Variants in KIF26B observed in about 807,000 individuals in gnomAD.
The protein encoded by KIF26B is kinesin-like protein KIF26B.
In KIF26B, 63 loss-of-function variants were observed where a neutral mutation model predicts 151.2. The observed-to-expected ratio is 0.42, with a 90% CI of 0.34 to 0.51. The LOEUF (loss-of-function observed/expected upper bound fraction) is 0.51. KIF26B is among the 20% of genes least tolerant of loss of function. The probability of loss-of-function intolerance (pLI) is 0.07; values close to 1 mark genes in which losing one functional copy is unlikely to be tolerated. For synonymous variants in KIF26B, 1,357 were observed against 1,262.1 expected (o/e 1.08, Z -1.59); for missense variants, 2,813 against 2,913.6 (o/e 0.97, Z 0.79).
At chr1:245,335,605 C>T (rs187725740) in intron 2 of KIF26B, among the ~76,000 whole-genome samples, 11 of 145,396 alleles carry the variant, frequency 7.6e-5, no homozygotes, top group Admixed American at 6.8e-5. Flanking sequence ...GAGTGCCACG[C>T]GGGGAAAGGA....
intron 2 of KIF26B, among the ~76,000 whole-genome samples, chr1:245,194,323 C>T (rs1669157218): frequency 6.6e-6 from 1 of 152,080 alleles, no homozygotes; most frequent in African/African-American, 2.4e-5. Flanking sequence ...TCTCTGAGCA[C>T]GGTGCATGGG....
chr1:245,156,472 C>T lies in KIF26B; in HGVS notation c.254C>T (p.Pro85Leu). ...TSSPSSFTGSPGPASPGIGTS... is the reference protein window; with the variant it reads ...TSSPSSFTGSLGPASPGIGTS... ...TCCCCGAGCTCGTTCACCGGCTCCC[C>T]GGGACCCGCCTCCCCCGGCATCGGC... is the stretch of plus-strand genomic sequence containing the variant. Residue 85 changes from proline (P) to leucine (L), a missense_variant, in exon 2 of 15, where the codon CCG (proline) becomes CTG (leucine). Coordinates refer to ENST00000407071, the MANE Select transcript of KIF26B (RefSeq NM_018012.4). The T allele has an allele frequency of 6.6e-7, 1 of 1,525,176 alleles. No homozygotes were observed. Among genetic ancestry groups the T allele is most frequent in the Non-Finnish European group, 8.8e-7 (1 of 1,139,768 alleles). The allele number at this position is 1,525,176 out of a possible 1,614,324, so 94.5% of individuals were successfully genotyped here.
In KIF26B at chr1:245,239,834, T is replaced by C. The variant is rs946736939; in HGVS notation, c.465+83151T>C. 4.6e-5 allele frequency among the ~76,000 whole-genome samples: 7 copies of C among 152,074 alleles called. No homozygotes were observed. Among genetic ancestry groups the C allele is most frequent in the African/African-American group, 1.7e-4 (7 of 41,392 alleles). ...TTCTGAATGTTTTAGTGTTTTTCCT[T>C]CCAAAAGTTGTCTTTCCTGACAGTG... On this transcript the variant is annotated intron_variant, in intron 2 of 14. Transcript: ENST00000407071. This position sits in a 1 kb window ranked among gnomAD's most constrained non-coding sequence, Gnocchi z 4.3.
intron 2 of KIF26B, among the ~76,000 whole-genome samples, chr1:245,346,157 C>T (rs1310000593): frequency 1.3e-5 from 2 of 152,006 alleles, no homozygotes; most frequent in Non-Finnish European, 2.9e-5. Context: ...CTTGGCCAGG[C>T]TGGTCTTGAA....
chr1:245,219,140 T>C lies in KIF26B; in HGVS notation c.465+62457T>C, dbSNP rs199745164. 4.0e-3 allele frequency among the ~76,000 whole-genome samples: 501 copies of C among 126,622 alleles called. 22 individuals carry two copies. In the East Asian group the frequency reaches 0.09, roughly 23 times the overall value. The allele number at this position is 126,622 out of a possible 152,430, so 83.1% of individuals were successfully genotyped here. On this transcript the variant is annotated intron_variant, in intron 2 of 14. Coordinates refer to ENST00000407071, the MANE Select transcript of KIF26B (RefSeq NM_018012.4). ...AAATACCTACCTCTTTTTTTTTTTT[T>C]TTTTTTTTTTTTTTTTGAGACGGAG...
chr1:245,322,149 G>A (rs952896176), intron 2 of KIF26B, among the ~76,000 whole-genome samples: 2 of 152,042 alleles, frequency 1.3e-5, no homozygotes, highest in Non-Finnish European at 2.9e-5. Flanking sequence ...GCATGTTCTC[G>A]CTCATAAGTA....
intron 12 of KIF26B, among the ~76,000 whole-genome samples, chr1:245,691,960 T>G (rs2044630895): frequency 6.6e-6 from 1 of 152,214 alleles, no homozygotes. Flanking sequence ...TCTTGAGCTG[T>G]GTGACCTTTG....
At chr1:245,566,376 C>T (rs562742480) in intron 5 of KIF26B, among the ~76,000 whole-genome samples, 5 of 152,232 alleles carry the variant, frequency 3.3e-5, no homozygotes, top group Non-Finnish European at 7.3e-5. Flanking sequence ...GAACCACAGG[C>T]TCCTCACGGA....
At chr1:245,329,668 T>A (rs6681738) in intron 2 of KIF26B, among the ~76,000 whole-genome samples, 1 of 151,910 alleles carries the variant, frequency 6.6e-6, no homozygotes. Flanking sequence ...CCTGCCCCTT[T>A]CCAGGCTCCC....
chr1:245,655,318 G>A (rs1480103746), intron 10 of KIF26B, among the ~76,000 whole-genome samples: 4 of 152,208 alleles, frequency 2.6e-5, no homozygotes, highest in Non-Finnish European at 5.9e-5. Context: ...AAGGCAGAAA[G>A]GTCACTGTTT....
At chr1:245,344,390 G>C (rs905820025) in intron 2 of KIF26B, among the ~76,000 whole-genome samples, 1 of 151,494 alleles carries the variant, frequency 6.6e-6, no homozygotes, top group African/African-American at 2.4e-5. Flanking sequence ...AGCTGCTCGG[G>C]AGGCTGAGGC....
chr1:245,367,088 G>A lies in KIF26B; in HGVS notation c.720G>A (p.Gln240=). The part of the protein sequence containing the change: ...LVGSRHVGGL[Q]QPRDWAFVPA... ...GGTCCCGGCACGTGGGTGGGCTCCAGCAGCCCAGAGACTGGGCCTTTGTGC... is the reference window on the plus strand; with the variant it reads ...GGTCCCGGCACGTGGGTGGGCTCCAACAGCCCAGAGACTGGGCCTTTGTGC... Residue 240 remains glutamine, a synonymous_variant, in exon 3 of 15, where the codon CAG becomes CAA. Transcript: ENST00000407071. The surrounding 1 kb of genome is among the most constrained non-coding windows in gnomAD (Gnocchi z 4.2). 1 of 1,599,042 alleles carries A rather than the reference G, an allele frequency of 6.3e-7. No individual in the cohort carries two copies.
intron 4 of KIF26B, among the ~76,000 whole-genome samples, chr1:245,496,026 A>G (rs2103076262): frequency 6.6e-6 from 1 of 152,358 alleles, no homozygotes; most frequent in South Asian, 2.1e-4. Context: ...AAAAATTGAA[A>G]GAATCCATCA....
chr1:245,651,931 A>G (rs116444965), intron 10 of KIF26B, among the ~76,000 whole-genome samples: 152 of 152,264 alleles, frequency 1.0e-3, no homozygotes, highest in African/African-American at 3.5e-3. Flanking sequence ...GAGCCATGGC[A>G]TTGAATTCCC....
intron 4 of KIF26B, among the ~76,000 whole-genome samples, chr1:245,532,250 T>TTTC (rs1480457930): frequency 2.8e-5 from 4 of 143,860 alleles, no homozygotes; most frequent in Non-Finnish European, 6.1e-5. Context: ...TTTCTTTTCT[T>TTTC]TTTTTTTTTT....
intron 2 of KIF26B, among the ~76,000 whole-genome samples, chr1:245,228,923 G>A (rs1394571266): frequency 2.0e-5 from 3 of 151,934 alleles, no homozygotes; most frequent in Non-Finnish European, 4.4e-5. Flanking sequence ...GAGAAAATAA[G>A]GTTACCTTCC....
At chr1:245,666,511 TTAATACATGC>T (rs2044217178) in intron 10 of KIF26B, among the ~76,000 whole-genome samples, 2 of 152,130 alleles carry the variant, frequency 1.3e-5, no homozygotes, top group Admixed American at 6.5e-5. Context: ...CCCTAGGTTC[TTAATACATGC>T]TTGTTGAATG....
chr1:245,403,334 C>G (rs1450197853), intron 3 of KIF26B, among the ~76,000 whole-genome samples: 1 of 152,174 alleles, frequency 6.6e-6, no homozygotes, highest in Non-Finnish European at 1.5e-5. Flanking sequence ...CCTCCAACCC[C>G]ATTTTTCGGA....
At chr1:245,423,392 G>C (rs956869690) in intron 4 of KIF26B, among the ~76,000 whole-genome samples, 45 of 152,056 alleles carry the variant, frequency 3.0e-4, no homozygotes, top group Non-Finnish European at 5.0e-4. Flanking sequence ...GGCGGAGTGG[G>C]AAATCCATCC....
Sources: allele counts gnomAD v4.1 joint callset (sites outside exome capture counted in the v4.1 genomes callset), GRCh38; gene constraint gnomAD v4.1.1; non-coding constraint Gnocchi (gnomAD v3.1); transcripts MANE v1.5; gene names NCBI Gene and HGNC (gene_info 2026-07-23, HGNC 2026-07-21).